Variants in PTN observed in about 807,000 individuals in gnomAD.
PTN encodes the protein pleiotrophin, also known as heparin affin regulatory protein.
Under a neutral mutation model 24.1 loss-of-function variants are expected in PTN, and 18 were observed. That is an observed-to-expected ratio of 0.75 (90% CI 0.52 to 1.11). The LOEUF is 1.11. PTN is among the 50% of genes least tolerant of loss of function. The pLI, the probability that PTN is intolerant of heterozygous loss-of-function variation, is 0.00. For synonymous variants in PTN, 78 were observed against 68.6 expected, an observed-to-expected ratio of 1.14 and a Z score of -0.67; for missense variants, 163 against 198.8, an observed-to-expected ratio of 0.82 and a Z score of 1.08.
intron 1 of PTN, among the ~76,000 whole-genome samples, chr7:137,266,499 C>G (rs957917495): frequency 1.5e-5 from 2 of 132,082 alleles, no homozygotes; most frequent in African/African-American, 3.5e-5. Context: ...CTTTCGCAGA[C>G]AATTCTTCCA....
chr7:137,304,368 C>T (rs1809853329), intron 1 of PTN, among the ~76,000 whole-genome samples: 1 of 151,882 alleles, frequency 6.6e-6, no homozygotes, highest in Non-Finnish European at 1.5e-5. Flanking sequence ...CACTTTCTGT[C>T]TCCATGGAAC....
Position 137,318,571 on chromosome 7 carries a change from T to G in PTN, c.-2+24868A>C, listed in dbSNP as rs183706483. On this transcript the variant is annotated intron_variant, in intron 1 of 4. Coordinates refer to ENST00000348225, the MANE Select transcript of PTN (RefSeq NM_002825.7). ...ATTTAACTTTCTATTTCCAGGACTT[T>G]GAAAGATGAGACAAGTAAATGTGTA... 5.3e-5 allele frequency: 8 copies of G among 152,336 alleles called. No homozygotes were observed. The East Asian group carries it at 1.5e-3, about 29-fold the overall frequency. The allele number at this position is 152,336 out of a possible 1,614,324, so 9.4% of individuals were successfully genotyped here.
chr7:137,238,295 G>A (rs1216635573), intron 4 of PTN, among the ~76,000 whole-genome samples: 1 of 152,156 alleles, frequency 6.6e-6, no homozygotes, highest in Non-Finnish European at 1.5e-5. Flanking sequence ...AGACAATCAT[G>A]AATCCAGGCC....
intron 1 of PTN, among the ~76,000 whole-genome samples, chr7:137,259,444 C>G (rs1343093681): frequency 6.6e-6 from 1 of 151,966 alleles, no homozygotes; most frequent in Non-Finnish European, 1.5e-5. Context: ...ACAGATTGAA[C>G]TGTTTTGACA....
At chr7:137,240,084 G>A (rs890255302) in intron 4 of PTN, among the ~76,000 whole-genome samples, 2 of 152,050 alleles carry the variant, frequency 1.3e-5, no homozygotes, top group South Asian at 2.1e-4. Context: ...GGCTTTCCCC[G>A]ATTACTCTAT....
chr7:137,321,538 T>C (rs1289062661), intron 1 of PTN, among the ~76,000 whole-genome samples: 1 of 152,228 alleles, frequency 6.6e-6, no homozygotes, highest in Non-Finnish European at 1.5e-5. Flanking sequence ...TCTTAGATGG[T>C]AGATGCTCAA....
intron 4 of PTN, among the ~76,000 whole-genome samples, chr7:137,242,268 G>A (rs1227327022): frequency 1.3e-5 from 2 of 152,100 alleles, no homozygotes; most frequent in Non-Finnish European, 2.9e-5. Context: ...CACAAGAGAG[G>A]GCTAGGCGGC....
chr7:137,273,067 G>C (rs913904506), intron 1 of PTN, among the ~76,000 whole-genome samples: 6 of 152,174 alleles, frequency 3.9e-5, no homozygotes, highest in Non-Finnish European at 8.8e-5. Context: ...TGTGTGTGTA[G>C]ACACAAACAC....
chr7:137,234,391 A>G (rs755229509), intron 4 of PTN, among the ~76,000 whole-genome samples: 2 of 152,012 alleles, frequency 1.3e-5, no homozygotes, highest in Non-Finnish European at 2.9e-5. Context: ...AAAACTCCAG[A>G]TATGTGTCGG....
intron 1 of PTN, among the ~76,000 whole-genome samples, chr7:137,299,630 C>G (rs1029499080): frequency 6.6e-6 from 1 of 151,910 alleles, no homozygotes; most frequent in Non-Finnish European, 1.5e-5. Flanking sequence ...AAAAACCATG[C>G]TCTGGTATGA....
rs929549703 is a variant in PTN at position 137,228,017 on chromosome 7, C to A, written c.*3G>T. ...CCTTTTTATGTTCCACAGGTGACAT[C>A]TTTTAATCCAGCATCTTCTCCTGTT... On this transcript the variant is annotated 3_prime_UTR_variant, in exon 5 of 5. Coordinates refer to ENST00000348225, the MANE Select transcript of PTN (RefSeq NM_002825.7). The A allele has an allele frequency of 1.2e-6, 2 of 1,609,054 alleles. No homozygotes were observed. Among genetic ancestry groups the A allele is most frequent in the African/African-American group, 1.3e-5 (1 of 74,554 alleles).
intron 1 of PTN, among the ~76,000 whole-genome samples, chr7:137,277,992 A>C (rs1360797845): frequency 6.6e-6 from 1 of 152,136 alleles, no homozygotes; most frequent in Non-Finnish European, 1.5e-5. Context: ...CTAAAATGTT[A>C]AGCATAAATT....
intron 1 of PTN, among the ~76,000 whole-genome samples, chr7:137,336,851 G>T (rs943711084): frequency 6.6e-6 from 1 of 152,158 alleles, no homozygotes; most frequent in African/African-American, 2.4e-5. Flanking sequence ...ACTTCACATT[G>T]ATTTTCTCAA....
intron 4 of PTN, among the ~76,000 whole-genome samples, chr7:137,249,405 A>C (rs1417839511): frequency 1.3e-5 from 2 of 152,122 alleles, no homozygotes; most frequent in Middle Eastern, 3.4e-3. Flanking sequence ...TCTGAGATGC[A>C]TTCACAATTT....
chr7:137,343,415 A>G (rs778377842), intron 1 of PTN, 24 bp downstream of exon 1: 7 of 500,516 alleles, frequency 1.4e-5, no homozygotes, highest in Non-Finnish European at 2.4e-5. Flanking sequence ...GCCCTCCGAG[A>G]AATCGTACGT....
At chr7:137,254,500 C>A (rs1274049679) in intron 2 of PTN, among the ~76,000 whole-genome samples, 1 of 150,740 alleles carries the variant, frequency 6.6e-6, no homozygotes, top group Non-Finnish European at 1.5e-5. Flanking sequence ...GTTTCCTCCT[C>A]TGTAAATCTG....
At chr7:137,236,704 T>C (rs903451718) in intron 4 of PTN, among the ~76,000 whole-genome samples, 1 of 152,138 alleles carries the variant, frequency 6.6e-6, no homozygotes, top group African/African-American at 2.4e-5. Context: ...AAGAGCTTAT[T>C]TCTGCAATAA....
At chr7:137,328,010 G>A (rs962165943) in intron 1 of PTN, among the ~76,000 whole-genome samples, 6 of 152,090 alleles carry the variant, frequency 3.9e-5, no homozygotes, top group Non-Finnish European at 8.8e-5. Flanking sequence ...TTAATTCAGT[G>A]AGAAGAAATA....
chr7:137,255,566 A>G (rs1340763185), intron 1 of PTN, among the ~76,000 whole-genome samples: 15 of 152,242 alleles, frequency 9.9e-5, no homozygotes, highest in Admixed American at 9.8e-4. Context: ...ACAAAGAGTG[A>G]ATCCCAGAAG....
Sources: gnomAD v4.1 joint callset for allele counts (sites outside exome capture counted in the v4.1 genomes callset) on GRCh38, gnomAD v4.1.1 for gene constraint, MANE v1.5 for transcripts, NCBI Gene and HGNC (gene_info 2026-07-23, HGNC 2026-07-21) for gene names.